GNS: variants seen among roughly 807,000 people sequenced by gnomAD.
GNS encodes the protein N-acetylglucosamine-6-sulfatase.
In GNS, 40 loss-of-function variants were observed where a neutral mutation model predicts 69.7. The ratio of observed to expected loss-of-function variants is 0.57; its 90% CI spans 0.45 to 0.75. The LOEUF (loss-of-function observed/expected upper bound fraction) is 0.75, where lower values mean the gene tolerates loss of function less well. Among genes scored for constraint, GNS ranks in the 30% least tolerant of loss-of-function variants. The probability of loss-of-function intolerance (pLI) is 0.00; values close to 1 mark genes in which losing one functional copy is unlikely to be tolerated. For missense variants in GNS, 565 were observed against 685.5 expected (o/e 0.82, Z 1.96); for synonymous variants, 243 against 251.6 (o/e 0.97, Z 0.32).
At chr12:64,738,327 T>A (rs890544600) in intron 8 of GNS, among the ~76,000 whole-genome samples, 8 of 152,178 alleles carry the variant, frequency 5.3e-5, no homozygotes, top group African/African-American at 1.9e-4. Flanking sequence ...TCTTGATACA[T>A]AATAACCAGA....
At chr12:64,759,025 G>T in intron 1 of GNS, 60 bp downstream of exon 1, 2 of 1,358,322 alleles carry the variant, frequency 1.5e-6, no homozygotes, top group Non-Finnish European at 2.1e-6. Context: ...GGGAAAGAGA[G>T]CAACAAACCG....
Position 64,728,962 on chromosome 12 carries a change from G to C in GNS, c.1194C>G (p.Pro398=), listed in dbSNP as rs1869298056. The C allele has an allele frequency of 2.7e-6, 4 of 1,499,968 alleles. No individual in the cohort carries two copies. The highest frequency in any genetic ancestry group is 3.7e-6 in the Non-Finnish European group (4 of 1,075,736). The allele number at this position is 1,499,968 out of a possible 1,614,324, so 92.9% of individuals were successfully genotyped here. Residue 398 remains proline, a synonymous_variant, in exon 10 of 14, where the codon CCC becomes CCG. Transcript: ENST00000258145. ...KTQMDGMSLL[P]ILRGASNLTW... is the part of the protein sequence containing the mutation. The stretch of plus-strand genomic sequence containing the variant: ...TTGAGGGCGCTATACTTACCAAAAT[G>C]GGCAATAAGGACATCCCATCCATCT...
At chr12:64,744,201 G>A (rs1244868) in intron 5 of GNS, among the ~76,000 whole-genome samples, 104,426 of 152,132 alleles carry the variant, frequency 0.69, 37,089 homozygotes, top group East Asian at 0.88. Flanking sequence ...GATGCAACAC[G>A]TAAGACTGTG....
At position 64,743,126 on chromosome 12, in the gene GNS, G is replaced by C. The variant is rs776263920; in HGVS notation, c.792+15C>G. The C allele has an allele frequency of 6.3e-7, 1 of 1,589,994 alleles. No individual in the cohort carries two copies. Among genetic ancestry groups the C allele is most frequent in the South Asian group, 1.1e-5 (1 of 90,492 alleles). ...ATACTTAGTATGGCTGAATACAAGT[G>C]GTGGGGGAAGCTACCGTTCCATGGA... On this transcript the variant is annotated intron_variant, in intron 6 of 13. Transcript: ENST00000258145.
chr12:64,757,616 TA>T (rs376560875), intron 1 of GNS, among the ~76,000 whole-genome samples: 453 of 152,234 alleles, frequency 3.0e-3, no homozygotes, highest in African/African-American at 0.01. Flanking sequence ...ACATCAGCTA[TA>T]AAAGACTCTC....
At chr12:64,752,924 C>G (rs1870125503) in intron 1 of GNS, 167 bp from the exon 2 acceptor site, 4 of 629,708 alleles carry the variant, frequency 6.4e-6, no homozygotes, top group Non-Finnish European at 1.1e-5. Flanking sequence ...AAGTTTGGTT[C>G]CGGCCAGCTC....
chr12:64,737,417 C>A (rs1350213266), intron 8 of GNS, among the ~76,000 whole-genome samples: 1 of 152,192 alleles, frequency 6.6e-6, no homozygotes, highest in South Asian at 2.1e-4. Flanking sequence ...TCAGCCTCAT[C>A]ACAACTGAAT....
Position 64,736,986 on chromosome 12 carries a change from A to C in GNS, c.1098+18T>G. 2 of 1,268,556 alleles carry C rather than the reference A, an allele frequency of 1.6e-6. No homozygotes were observed. The highest frequency in any genetic ancestry group is 2.3e-6 in the Non-Finnish European group (2 of 864,086). The allele number at this position is 1,268,556 out of a possible 1,614,324, so 78.6% of individuals were successfully genotyped here. ...CAAGTGCCTACCTGTCCACAGCACCAGCTTGTCAGGCACCTACCTTGCTTG... is the reference window on the plus strand; with the variant it reads ...CAAGTGCCTACCTGTCCACAGCACCCGCTTGTCAGGCACCTACCTTGCTTG... On this transcript the variant is annotated intron_variant, in intron 9 of 13. Coordinates refer to ENST00000258145, the MANE Select transcript of GNS (RefSeq NM_002076.4).
chr12:64,737,003 C>A lies in GNS; in HGVS notation c.1098+1G>T. On this transcript the variant is annotated splice_donor_variant, in intron 9 of 13. Coordinates refer to ENST00000258145, the MANE Select transcript of GNS (RefSeq NM_002076.4). LOFTEE classifies it high-confidence loss of function. Reference sequence around the variant, plus strand: ...ACAGCACCAGCTTGTCAGGCACCTACCTTGCTTGTCTGATTTGGTTTGATC... The same window carrying A: ...ACAGCACCAGCTTGTCAGGCACCTAACTTGCTTGTCTGATTTGGTTTGATC... The A allele has an allele frequency of 1.3e-6, 2 of 1,490,498 alleles. No individual in the cohort carries two copies. The highest frequency in any genetic ancestry group is 9.4e-7 in the Non-Finnish European group (1 of 1,066,880). 92.3% of individuals were successfully genotyped at this position (1,490,498 alleles called of 1,614,324 possible).
chr12:64,727,171 T>A (rs1210335628), intron 10 of GNS, among the ~76,000 whole-genome samples: 4 of 149,204 alleles, frequency 2.7e-5, no homozygotes, highest in African/African-American at 7.4e-5. Flanking sequence ...GGGAGGATAT[T>A]TTTTTTTTTC....
rs1467076405 is a variant in GNS, at chr12:64,738,799, C to T, written c.994+582G>A. 4.2e-5 allele frequency among the ~76,000 whole-genome samples: 6 copies of T among 142,222 alleles called. No homozygotes were observed. The East Asian group carries it at 6.6e-4, about 16-fold the overall frequency. The allele number at this position is 142,222 out of a possible 152,430, so 93.3% of individuals were successfully genotyped here. A position where few individuals can be genotyped will look rare whatever the true frequency, so the allele number is the denominator to read the frequency against. ...CTGTACTCCAGCCTGGGTGACAGAG[C>T]GAGATTCTGTCCCCCCACCAGCCCC... On this transcript the variant is annotated intron_variant, in intron 8 of 13. Coordinates refer to ENST00000258145, the MANE Select transcript of GNS (RefSeq NM_002076.4).
At chr12:64,736,475 T>G (rs544719603) in intron 9 of GNS, among the ~76,000 whole-genome samples, 3 of 152,250 alleles carry the variant, frequency 2.0e-5, no homozygotes, top group Non-Finnish European at 4.4e-5. Context: ...AGAAGCAGAA[T>G]CTGCATTTTA....
At chr12:64,738,888 A>G (rs181227643) in intron 8 of GNS, among the ~76,000 whole-genome samples, 1 of 152,278 alleles carries the variant, frequency 6.6e-6, no homozygotes, top group African/African-American at 2.4e-5. Context: ...GCAAGTCTCA[A>G]GTGAATCCCA....
At chr12:64,755,050 G>A (rs766684609) in intron 1 of GNS, among the ~76,000 whole-genome samples, 9 of 152,126 alleles carry the variant, frequency 5.9e-5, no homozygotes, top group Non-Finnish European at 8.8e-5. Flanking sequence ...AATGTAAAAT[G>A]AATCCTTAAG....
intron 2 of GNS, among the ~76,000 whole-genome samples, chr12:64,749,396 G>A (rs1384505953): frequency 3.3e-5 from 5 of 151,354 alleles, no homozygotes; most frequent in African/African-American, 1.2e-4. Context: ...GGGACTACAG[G>A]TGCCCGCCAC....
intron 11 of GNS, 113 bp downstream of exon 11, chr12:64,722,893 T>G: frequency 1.3e-6 from 1 of 744,444 alleles, no homozygotes; most frequent in Non-Finnish European, 2.5e-6. Context: ...TCACAGTCAG[T>G]GACAAAGGAA....
chr12:64,726,626 T>C (rs1352590125), intron 10 of GNS, among the ~76,000 whole-genome samples: 2 of 152,092 alleles, frequency 1.3e-5, no homozygotes, highest in Non-Finnish European at 2.9e-5. Flanking sequence ...TTCCAAGTAG[T>C]TGGGACTACA....
intron 4 of GNS, 118 bp from the exon 5 acceptor site, chr12:64,745,025 T>C: frequency 1.5e-6 from 1 of 682,596 alleles, no homozygotes; most frequent in Non-Finnish European, 2.7e-6. Context: ...AGATAATTAC[T>C]CAAGTCAATA....
intron 9 of GNS, among the ~76,000 whole-genome samples, chr12:64,734,988 A>C (rs559740211): frequency 5.9e-5 from 9 of 152,258 alleles, no homozygotes; most frequent in African/African-American, 2.2e-4. Flanking sequence ...GCAGGTACCT[A>C]TAGTCCTAGC....
Sources: gnomAD v4.1 joint callset for allele counts (sites outside exome capture counted in the v4.1 genomes callset) on GRCh38, gnomAD v4.1.1 for gene constraint, MANE v1.5 for transcripts, NCBI Gene and HGNC (gene_info 2026-07-23, HGNC 2026-07-21) for gene names.